Variants in ARMH3 observed in about 807,000 individuals in gnomAD.
ARMH3 encodes armadillo-like helical domain-containing protein 3.
ARMH3 carries 60 observed loss-of-function variants against 99.1 expected under a neutral mutation model. The ratio of observed to expected loss-of-function variants is 0.61; its 90% CI spans 0.49 to 0.75. The LOEUF is 0.75. Among genes scored for constraint, ARMH3 ranks in the 30% least tolerant of loss-of-function variants. ARMH3 has a pLI of 0.00. For missense variants in ARMH3, 679 were observed against 843.1 expected, an observed-to-expected ratio of 0.81 and a Z score of 2.41; for synonymous variants, 285 against 292.8, an observed-to-expected ratio of 0.97 and a Z score of 0.27.
At chr10:101,851,053 C>A (rs1466209056) in intron 24 of ARMH3, among the ~76,000 whole-genome samples, 1 of 152,208 alleles carries the variant, frequency 6.6e-6, no homozygotes, top group East Asian at 1.9e-4. Flanking sequence ...GTCTTCTTAT[C>A]CAGTGCCTGG....
chr10:101,909,953 T>C (rs1460849289), intron 23 of ARMH3, among the ~76,000 whole-genome samples: 2 of 152,170 alleles, frequency 1.3e-5, no homozygotes, highest in Non-Finnish European at 2.9e-5. Context: ...TAAAAATTAA[T>C]TTTATATGTT....
intron 17 of ARMH3, among the ~76,000 whole-genome samples, chr10:101,993,251 GGA>G (rs138381869): frequency 2.8e-4 from 42 of 147,958 alleles, no homozygotes; most frequent in Non-Finnish European, 2.8e-4. Flanking sequence ...AGCCTGGGGG[GGA>G]GAGAGAGAGA....
intron 22 of ARMH3, among the ~76,000 whole-genome samples, chr10:101,945,810 C>T (rs1023785172): frequency 2.6e-5 from 4 of 151,414 alleles, no homozygotes; most frequent in African/African-American, 4.9e-5. Flanking sequence ...AGGCCAGGCT[C>T]GGTGGCTCAT....
intron 22 of ARMH3, among the ~76,000 whole-genome samples, chr10:101,945,840 T>C (rs942537843): frequency 6.6e-5 from 10 of 151,708 alleles, no homozygotes; most frequent in African/African-American, 1.9e-4. Flanking sequence ...CCCAGCATTT[T>C]GAGAGGCCAA....
chr10:101,994,039 T>C (rs561820923), intron 16 of ARMH3, among the ~76,000 whole-genome samples: 4 of 152,326 alleles, frequency 2.6e-5, no homozygotes, highest in Admixed American at 2.0e-4. Flanking sequence ...CTGCTGGGAA[T>C]GGGTTCAGCC....
At chr10:101,850,090 CTTTTTTTTTTT>C (rs754571008) in intron 24 of ARMH3, among the ~76,000 whole-genome samples, 198 bp from the exon 25 acceptor site, 7 of 91,308 alleles carry the variant, frequency 7.7e-5, no homozygotes, top group Admixed American at 2.6e-4. Flanking sequence ...CTCTCTCTCT[CTTTTTTTTTTT>C]TTTTTTTTTT....
intron 19 of ARMH3, among the ~76,000 whole-genome samples, chr10:101,984,904 A>C (rs1846395607): frequency 6.6e-6 from 1 of 151,920 alleles, no homozygotes; most frequent in Non-Finnish European, 1.5e-5. Flanking sequence ...CCCCGTCTCT[A>C]CCAAAAATAC....
At chr10:101,885,113 G>A (rs1230393494) in intron 24 of ARMH3, among the ~76,000 whole-genome samples, 1 of 151,992 alleles carries the variant, frequency 6.6e-6, no homozygotes, top group Admixed American at 6.6e-5. Context: ...GAGATACTAC[G>A]TCATACCCAT....
chr10:102,029,884 G>A (rs2067086158), intron 4 of ARMH3, 139 bp from the exon 5 acceptor site: 2 of 809,914 alleles, frequency 2.5e-6, no homozygotes, highest in Non-Finnish European at 3.6e-6. Context: ...CACAGTCTGA[G>A]TTTTTTTGGT....
Position 101,985,214 on chromosome 10 carries a change from G to GTA in ARMH3, c.1406+5335_1406+5336dup, listed in dbSNP as rs538671653. On this transcript the variant is annotated intron_variant, in intron 19 of 25. Coordinates refer to ENST00000370033, the MANE Select transcript of ARMH3 (RefSeq NM_024541.3). ...TGTGTGTATATATATACGTATATAT[G>GTA]TATATATATACGTATATACATGTAT... Among the ~76,000 whole-genome samples the GTA allele has an allele frequency of 4.9e-3, 714 of 144,496 alleles. 6 individuals are homozygous for GTA. The highest frequency in any genetic ancestry group is 0.016 in the African/African-American group (601 of 38,560). 94.8% of individuals were successfully genotyped at this position (144,496 alleles called of 152,430 possible).
chr10:101,867,916 A>C (rs2067041872), intron 24 of ARMH3, among the ~76,000 whole-genome samples: 1 of 151,726 alleles, frequency 6.6e-6, no homozygotes, highest in Admixed American at 6.6e-5. Flanking sequence ...AGGCAGGAGA[A>C]TGGCTTGAGG....
intron 24 of ARMH3, among the ~76,000 whole-genome samples, chr10:101,871,380 A>G (rs2067127945): frequency 6.6e-6 from 1 of 152,246 alleles, no homozygotes; most frequent in South Asian, 2.1e-4. Flanking sequence ...AAACATTTAA[A>G]AAAAACAAAA....
chr10:101,976,765 C>A (rs1051849263), intron 19 of ARMH3, among the ~76,000 whole-genome samples: 18 of 152,164 alleles, frequency 1.2e-4, no homozygotes, highest in African/African-American at 4.3e-4. Context: ...CATGGTGGCA[C>A]AAGCCTATAC....
chr10:102,006,565 A>C lies in ARMH3; in HGVS notation c.1023T>G (p.Leu341=), dbSNP rs750746467. The C allele has an allele frequency of 1.9e-6, 3 of 1,613,988 alleles. No individual in the cohort carries two copies. Among genetic ancestry groups the C allele is most frequent in the Non-Finnish European group, 2.5e-6 (3 of 1,179,886 alleles). Residue 341 remains leucine (L), a synonymous_variant, in exon 14 of 26, where the codon CTT becomes CTG. Transcript: ENST00000370033. ...SPAPTTPVTP[L]GTTPPSSDVI... is the part of the protein sequence containing the mutation. ...CATCAGAGGAAGGCGGTGTGGTCCC[A>C]AGTGGTGTGACTGGGGTTGTAGGAG...
chr10:102,020,514 T>G (rs2066858565), intron 8 of ARMH3, among the ~76,000 whole-genome samples: 1 of 151,534 alleles, frequency 6.6e-6, no homozygotes, highest in African/African-American at 2.4e-5. Context: ...TGAAACCCCG[T>G]CTCTACTAAA....
At chr10:101,920,223 G>A (rs1259037151) in intron 23 of ARMH3, among the ~76,000 whole-genome samples, 1 of 152,182 alleles carries the variant, frequency 6.6e-6, no homozygotes, top group Non-Finnish European at 1.5e-5. Context: ...CTGGCTCTAA[G>A]GATGAAGTGA....
chr10:102,006,768 T>A (rs1400494628), intron 13 of ARMH3, 135 bp from the exon 14 acceptor site: 1 of 681,844 alleles, frequency 1.5e-6, no homozygotes, highest in East Asian at 3.0e-5. Flanking sequence ...TGCTATGTTG[T>A]CCAAGCTGGT....
intron 13 of ARMH3, among the ~76,000 whole-genome samples, chr10:102,006,958 C>T (rs143817603): frequency 6.6e-5 from 10 of 151,578 alleles, no homozygotes; most frequent in Admixed American, 4.6e-4. Flanking sequence ...GTCAGGAGAT[C>T]GAGACCATCC....
intron 22 of ARMH3, among the ~76,000 whole-genome samples, chr10:101,940,588 C>T (rs1844195596): frequency 6.6e-6 from 1 of 152,090 alleles, no homozygotes; most frequent in Non-Finnish European, 1.5e-5. Flanking sequence ...TCTCCTAATG[C>T]TATCCCTCCC....
Sources: allele counts gnomAD v4.1 joint callset (sites outside exome capture counted in the v4.1 genomes callset), GRCh38; gene constraint gnomAD v4.1.1; transcripts MANE v1.5; gene names NCBI Gene and HGNC (gene_info 2026-07-23, HGNC 2026-07-21).